The following OR51E2 variants were observed in gnomAD, a reference collection of about 807,000 sequenced individuals.
The protein encoded by OR51E2 is olfactory receptor 51E2.
Under a neutral mutation model 13.7 loss-of-function variants are expected in OR51E2, and 14 were observed. The observed-to-expected ratio is 1.02, with a 90% CI of 0.68 to 1.60. OR51E2 has a LOEUF of 1.60. OR51E2 is among the 40% of genes most tolerant of loss of function. The probability of loss-of-function intolerance (pLI) is 0.00; values close to 1 mark genes in which losing one functional copy is unlikely to be tolerated. For missense variants in OR51E2, 483 were observed against 413.8 expected, an observed-to-expected ratio of 1.17 and a Z score of -1.45; for synonymous variants, 180 against 157.6, an observed-to-expected ratio of 1.14 and a Z score of -1.07.
chr11:4,691,364 T>C (rs1792330198), intron 1 of OR51E2: 2 of 457,724 alleles, frequency 4.4e-6, no homozygotes, highest in South Asian at 3.1e-5. Context: ...GCACTGAGGA[T>C]TCCATGACAG....
In OR51E2 at chr11:4,682,337, G is replaced by A. The variant is rs1223367574; in HGVS notation, c.375C>T (p.Ile125=). Residue 125 remains isoleucine, a synonymous_variant, in exon 2 of 2, where the codon ATC becomes ATT. Transcript: ENST00000396950. ...CTGCAGCATGGCGCAGTGGGTGGCAGATGGCCACATAACGGTCAAAGGCCA... is the reference window on the plus strand; with the variant it reads ...CTGCAGCATGGCGCAGTGGGTGGCAAATGGCCACATAACGGTCAAAGGCCA... ...LAMAFDRYVA[I]CHPLRHAAVL... is the part of the protein sequence containing the mutation. The A allele has an allele frequency of 6.2e-7, 1 of 1,614,186 alleles. No individual in the cohort carries two copies. The highest frequency in any genetic ancestry group is 8.5e-7 in the Non-Finnish European group (1 of 1,180,032).
intron 1 of OR51E2, among the ~76,000 whole-genome samples, chr11:4,692,786 G>A (rs906436911): frequency 6.8e-5 from 10 of 146,640 alleles, no homozygotes; most frequent in Non-Finnish European, 1.5e-5. Context: ...GAACCTCAAC[G>A]TATCCAGACT....
intron 1 of OR51E2, among the ~76,000 whole-genome samples, chr11:4,688,288 A>G (rs979497153): frequency 8.5e-5 from 13 of 152,092 alleles, no homozygotes; most frequent in Non-Finnish European, 1.6e-4. Context: ...GGGCCCTGTA[A>G]TGGGGTGCAC....
intron 1 of OR51E2, chr11:4,691,177 G>A: frequency 2.2e-6 from 1 of 456,800 alleles, no homozygotes; most frequent in Non-Finnish European, 4.4e-6. Flanking sequence ...GAGTGGTGGA[G>A]TACTTGGCTG....
chr11:4,692,504 A>C (rs1190087509), intron 1 of OR51E2, among the ~76,000 whole-genome samples: 2 of 152,374 alleles, frequency 1.3e-5, no homozygotes, highest in Middle Eastern at 3.4e-3. Flanking sequence ...GGAGATACCT[A>C]ATTGAATGTT....
At chr11:4,693,137 G>A (rs1268162534) in intron 1 of OR51E2, among the ~76,000 whole-genome samples, 1 of 152,160 alleles carries the variant, frequency 6.6e-6, no homozygotes, top group African/African-American at 2.4e-5. Flanking sequence ...ATAAATATTT[G>A]AGGTGATGGA....
rs1380972321 is a variant in OR51E2 at position 4,682,757 on chromosome 11, G to A, written c.-46C>T. 5 of 1,584,426 alleles carry A rather than the reference G, an allele frequency of 3.2e-6. No individual in the cohort carries two copies. The highest frequency in any genetic ancestry group is 4.3e-6 in the Non-Finnish European group (5 of 1,164,520). On this transcript the variant is annotated 5_prime_UTR_variant, in exon 2 of 2. Coordinates refer to ENST00000396950, the MANE Select transcript of OR51E2 (RefSeq NM_030774.4). The stretch of plus-strand genomic sequence containing the variant: ...GACTGGAGAGGGTGAGGTCACACTG[G>A]CAGTCTGCAGGGACATAGAGCACAA...
intron 1 of OR51E2, among the ~76,000 whole-genome samples, chr11:4,687,858 ATTC>A (rs1847533387): frequency 6.6e-6 from 1 of 152,204 alleles, no homozygotes; most frequent in Non-Finnish European, 1.5e-5. Context: ...AGCCCCTTCT[ATTC>A]TAAGTCAGGA....
At chr11:4,692,116 C>T in intron 1 of OR51E2, 1 of 442,890 alleles carries the variant, frequency 2.3e-6, no homozygotes. Flanking sequence ...TGGTTGGCAC[C>T]AGAGAAAAAT....
At chr11:4,684,462 T>C (rs1386997628) in intron 1 of OR51E2, among the ~76,000 whole-genome samples, 2 of 152,146 alleles carry the variant, frequency 1.3e-5, no homozygotes, top group East Asian at 3.9e-4. Context: ...GAACCTTCCC[T>C]GAAGAGAGGT....
chr11:4,689,659 C>A (rs1048473616), intron 1 of OR51E2, among the ~76,000 whole-genome samples: 6 of 152,040 alleles, frequency 3.9e-5, no homozygotes, highest in Non-Finnish European at 8.8e-5. Context: ...CTGAATTGAG[C>A]CATTACATGA....
At chr11:4,688,896 G>C (rs1847546644) in intron 1 of OR51E2, among the ~76,000 whole-genome samples, 1 of 152,212 alleles carries the variant, frequency 6.6e-6, no homozygotes, top group East Asian at 1.9e-4. Context: ...TTGGAAGGTA[G>C]AGTTACTGAG....
intron 1 of OR51E2, among the ~76,000 whole-genome samples, chr11:4,696,578 A>T (rs1256360355): frequency 1.3e-5 from 2 of 152,192 alleles, no homozygotes; most frequent in African/African-American, 4.8e-5. Context: ...TATATTCAAG[A>T]CAAGAGGGGG....
At chr11:4,691,099 GC>G (rs1847572415) in intron 1 of OR51E2, 1 of 456,754 alleles carries the variant, frequency 2.2e-6, no homozygotes, top group Non-Finnish European at 4.4e-6. Context: ...ATGGCAGTCA[GC>G]CCAACTGCAC....
intron 1 of OR51E2, among the ~76,000 whole-genome samples, chr11:4,694,140 T>C (rs1445638534): frequency 6.6e-6 from 1 of 152,192 alleles, no homozygotes; most frequent in Non-Finnish European, 1.5e-5. Context: ...CATCCTAACT[T>C]CTTCATATCT....
chr11:4,691,736 T>A, intron 1 of OR51E2: 1 of 340,000 alleles, frequency 2.9e-6, no homozygotes, highest in African/African-American at 2.2e-5. Flanking sequence ...GATGAGAGCT[T>A]AAACAAAAAA....
At chr11:4,686,788 C>A (rs550207403) in intron 1 of OR51E2, among the ~76,000 whole-genome samples, 2 of 152,176 alleles carry the variant, frequency 1.3e-5, no homozygotes, top group East Asian at 3.9e-4. Context: ...GTCCCCAACT[C>A]ATTGTGAGCT....
intron 1 of OR51E2, among the ~76,000 whole-genome samples, chr11:4,686,474 A>G (rs1847516723): frequency 3.9e-5 from 6 of 152,174 alleles, no homozygotes; most frequent in Admixed American, 3.9e-4. Context: ...AGGTGAATAA[A>G]TGGTTTTAAG....
chr11:4,687,159 C>T (rs1204625675), intron 1 of OR51E2, among the ~76,000 whole-genome samples: 1 of 152,134 alleles, frequency 6.6e-6, no homozygotes, highest in East Asian at 1.9e-4. Flanking sequence ...CATCTTTCCA[C>T]TTTGGACCTG....
Sources: allele counts gnomAD v4.1 joint callset (sites outside exome capture counted in the v4.1 genomes callset), GRCh38; gene constraint gnomAD v4.1.1; transcripts MANE v1.5; gene names NCBI Gene and HGNC (gene_info 2026-07-23, HGNC 2026-07-21).